Variants in MYT1L observed in about 807,000 individuals in gnomAD.
The protein encoded by MYT1L is myelin transcription factor 1 like, also known as myelin transcription factor 1-like protein.
A neutral mutation model predicts 126.7 loss-of-function variants in MYT1L; 12 were observed. The ratio of observed to expected loss-of-function variants is 0.09; its 90% confidence interval spans 0.06 to 0.15. The LOEUF (loss-of-function observed/expected upper bound fraction) is 0.15, where lower values mean the gene tolerates loss of function less well. MYT1L is among the 10% of genes least tolerant of loss of function. MYT1L has a pLI of 1.00. For synonymous variants in MYT1L, 541 were observed against 604.2 expected (o/e 0.90, Z 1.53); for missense variants, 979 against 1,585.2 (o/e 0.62, Z 6.49).
Position 1,791,210 on chromosome 2 carries a change from T to C in MYT1L, c.*657A>G, listed in dbSNP as rs2032022602. 2.1e-6 allele frequency: 1 copy of C among 471,200 alleles called. No individual in the cohort carries two copies. The highest frequency in any genetic ancestry group is 2.0e-5 in the African/African-American group (1 of 50,084). 29.2% of individuals were successfully genotyped at this position (471,200 alleles called of 1,614,324 possible). A position where few individuals can be genotyped will look rare whatever the true frequency, so the allele number is the denominator to read the frequency against. On this transcript the variant is annotated 3_prime_UTR_variant, in exon 25 of 25. Coordinates refer to ENST00000647738, the MANE Select transcript of MYT1L (RefSeq NM_001303052.2). The surrounding 1 kb of genome is among the most constrained non-coding windows in gnomAD (Gnocchi z 6.0). ...TTTCTTACAGTTAATCCATATGCCA[T>C]TTCCTTGGAATGCAAAAAACCTCAT...
chr2:2,114,069 AT>A (rs1364792863), intron 3 of MYT1L, among the ~76,000 whole-genome samples: 1 of 151,850 alleles, frequency 6.6e-6, no homozygotes, highest in East Asian at 1.9e-4. Flanking sequence ...TACTGCCTCC[AT>A]TATACAGATA....
chr2:2,241,237 G>C (rs1451922822), intron 2 of MYT1L, among the ~76,000 whole-genome samples: 2 of 151,934 alleles, frequency 1.3e-5, no homozygotes, highest in African/African-American at 4.8e-5. Flanking sequence ...TTAAAAGGGA[G>C]TTTTAAATGT....
chr2:1,966,573 G>C (rs1425355146), intron 8 of MYT1L, among the ~76,000 whole-genome samples: 1 of 152,024 alleles, frequency 6.6e-6, no homozygotes, highest in Non-Finnish European at 1.5e-5. Context: ...GGGAAGAAAC[G>C]AAAAGACACA....
Position 1,848,500 on chromosome 2 carries a change from CT to C in MYT1L, c.2774+3140del, listed in dbSNP as rs2042808302. Among the ~76,000 whole-genome samples the C allele has an allele frequency of 1.3e-5, 2 of 152,178 alleles. No individual in the cohort carries two copies. The highest frequency in any genetic ancestry group is 4.8e-5 in the African/African-American group (2 of 41,426). On this transcript the variant is annotated intron_variant, in intron 19 of 24. Coordinates refer to ENST00000647738, the MANE Select transcript of MYT1L (RefSeq NM_001303052.2). This position sits in a 1 kb window ranked among gnomAD's most constrained non-coding sequence, Gnocchi z 4.8. ...AGGAGGATGCCTTGAACCCACACAA[CT>C]ACCTTGAATTGTGGCATAACTGAGG...
At chr2:2,215,250 T>G (rs1438122930) in intron 2 of MYT1L, among the ~76,000 whole-genome samples, 1 of 152,122 alleles carries the variant, frequency 6.6e-6, no homozygotes, top group Non-Finnish European at 1.5e-5. Context: ...GTAATAAAAA[T>G]GCAGAAGTTG....
chr2:2,129,763 A>G (rs955391347), intron 3 of MYT1L, among the ~76,000 whole-genome samples: 9 of 152,028 alleles, frequency 5.9e-5, no homozygotes, highest in African/African-American at 2.2e-4. Context: ...AAAATTAGCC[A>G]GGTGTGGTGG....
chr2:2,163,763 A>C (rs1193201937), intron 3 of MYT1L, among the ~76,000 whole-genome samples: 1 of 151,898 alleles, frequency 6.6e-6, no homozygotes, highest in Non-Finnish European at 1.5e-5. Flanking sequence ...AGAAAGAAAC[A>C]AAACAACACA....
chr2:1,809,767 T>TC (rs1209844470), intron 21 of MYT1L: 3 of 152,478 alleles, frequency 2.0e-5, no homozygotes, highest in Non-Finnish European at 4.4e-5. Flanking sequence ...CAGTCTGTTT[T>TC]CAAACTTTCC....
chr2:2,302,388 G>T (rs1283417834), intron 1 of MYT1L, among the ~76,000 whole-genome samples: 3 of 152,160 alleles, frequency 2.0e-5, no homozygotes, highest in South Asian at 2.1e-4. Context: ...ATTTTGGTTT[G>T]TTCTTTTATG....
chr2:1,861,910 T>A (rs2044702983), intron 18 of MYT1L, among the ~76,000 whole-genome samples: 3 of 152,284 alleles, frequency 2.0e-5, no homozygotes, highest in Non-Finnish European at 4.4e-5. Context: ...GCCTGTGTAA[T>A]CCTGGATCCT....
chr2:1,988,765 G>A (rs1016230327), intron 5 of MYT1L, among the ~76,000 whole-genome samples: 3 of 152,218 alleles, frequency 2.0e-5, no homozygotes, highest in Admixed American at 6.5e-5. Flanking sequence ...CTGAGCTCAA[G>A]TGATCCACCC....
rs916203213 is a variant in MYT1L, at chr2:2,224,913, C to T, written c.-420-51925G>A. The stretch of plus-strand genomic sequence containing the variant: ...TATGCTTGTGTGCTGGGCAGTCATA[C>T]GCTGGGTTTGAGCCTCATGCTTGTT... On this transcript the variant is annotated intron_variant, in intron 2 of 24. Transcript: ENST00000647738. The surrounding 1 kb of genome is among the most constrained non-coding windows in gnomAD (Gnocchi z 4.0). Among the ~76,000 whole-genome samples, 15 of 152,078 alleles carry T rather than the reference C, an allele frequency of 9.9e-5. No homozygotes were observed. The highest frequency in any genetic ancestry group is 2.7e-4 in the African/African-American group (11 of 41,488).
intron 2 of MYT1L, among the ~76,000 whole-genome samples, chr2:2,199,408 G>A (rs917013481): frequency 1.3e-5 from 2 of 152,216 alleles, no homozygotes; most frequent in African/African-American, 4.8e-5. Context: ...AAGGGATGGT[G>A]TAGACTGCGT....
In MYT1L at chr2:1,892,280, C is replaced by A; in HGVS notation, c.2040G>T (p.Arg680=). 1 of 1,548,438 alleles carries A rather than the reference C, an allele frequency of 6.5e-7. No individual in the cohort carries two copies. The highest frequency in any genetic ancestry group is 1.4e-5 in the African/African-American group (1 of 73,076). Residue 680 remains arginine (R), a synonymous_variant, in exon 15 of 25, where the codon CGG becomes CGT. Transcript: ENST00000647738. ...TGCTGGGGCTGGGGTCCTTGCAGTA[C>A]CGCTTCGCTGGGGAGACAGGGACAG... ...ISPKGYDDAK[R]YCKDPSPSSS... is the part of the protein sequence containing the mutation.
chr2:2,113,584 T>C (rs1158730773), intron 3 of MYT1L, among the ~76,000 whole-genome samples: 1 of 152,196 alleles, frequency 6.6e-6, no homozygotes, highest in Non-Finnish European at 1.5e-5. Context: ...TGTTCTGTTG[T>C]ATGTGCTGCT....
chr2:2,173,521 AATT>A (rs748778093), intron 2 of MYT1L, among the ~76,000 whole-genome samples: 1 of 152,228 alleles, frequency 6.6e-6, no homozygotes, highest in Non-Finnish European at 1.5e-5. Flanking sequence ...GAAATGTAGA[AATT>A]ATTAACTTTC....
chr2:2,162,056 T>C (rs2088046392), intron 3 of MYT1L, among the ~76,000 whole-genome samples: 1 of 152,154 alleles, frequency 6.6e-6, no homozygotes, highest in Non-Finnish European at 1.5e-5. Flanking sequence ...GACCAGTGTT[T>C]CCGGCCAGAA....
intron 1 of MYT1L, among the ~76,000 whole-genome samples, chr2:2,318,654 A>G (rs373332541): frequency 6.6e-6 from 1 of 152,246 alleles, no homozygotes; most frequent in East Asian, 1.9e-4. Context: ...CAGAATACAA[A>G]TTCAGTGGAA....
chr2:2,265,890 A>G (rs531822967), intron 2 of MYT1L, among the ~76,000 whole-genome samples: 1 of 152,148 alleles, frequency 6.6e-6, no homozygotes, highest in African/African-American at 2.4e-5. Context: ...GGAGGGAGGA[A>G]AACACTGAAG....
Sources: gnomAD v4.1 joint callset for allele counts (sites outside exome capture counted in the v4.1 genomes callset) on GRCh38, gnomAD v4.1.1 for gene constraint, Gnocchi (gnomAD v3.1) non-coding constraint, MANE v1.5 for transcripts, NCBI Gene and HGNC (gene_info 2026-07-23, HGNC 2026-07-21) for gene names.